Variants in CPLANE1 observed in about 807,000 individuals in gnomAD.
CPLANE1 encodes ciliogenesis and planar polarity effector 1.
In CPLANE1, 263 loss-of-function variants were observed where a neutral mutation model predicts 362.5. The observed-to-expected ratio is 0.73, with a 90% CI of 0.66 to 0.80. CPLANE1 has a LOEUF of 0.80. CPLANE1 is among the 30% of genes least tolerant of loss of function. CPLANE1 has a pLI of 0.00. For missense variants in CPLANE1, 3,461 were observed against 3,793.4 expected (o/e 0.91, Z 2.30); for synonymous variants, 1,212 against 1,302.6 (o/e 0.93, Z 1.50).
chr5:37,211,288 C>A, intron 16 of CPLANE1: 2 of 1,509,860 alleles, frequency 1.3e-6, no homozygotes, highest in South Asian at 1.2e-5. Flanking sequence ...CAGCAAGAGG[C>A]GGAACGCTTG....
intron 32 of CPLANE1, 94 bp from the exon 33 acceptor site, chr5:37,170,425 C>T: frequency 2.4e-6 from 3 of 1,229,770 alleles, no homozygotes; most frequent in Admixed American, 2.3e-5. Context: ...ACAATAGTCA[C>T]ACGTTTGTCT....
At chr5:37,141,619 T>C (rs1312933205) in intron 44 of CPLANE1, 5 of 966,084 alleles carry the variant, frequency 5.2e-6, no homozygotes, top group Non-Finnish European at 2.5e-6. Flanking sequence ...ATAATGGTAA[T>C]AGAACATATA....
In CPLANE1 at chr5:37,169,363, G is replaced by A; in HGVS notation, c.6661C>T (p.Pro2221Ser). ...TGAAGCAAAGGAAAGCCATCACCAG[G>A]ACTAAATGTTTTTGCATGTGGGATA... ...RLIPHAKTFSPGDGFPLLQFK... is the reference protein window; with the variant it reads ...RLIPHAKTFSSGDGFPLLQFK... Residue 2221 changes from proline (P) to serine (S), a missense_variant, in exon 34 of 53, where the codon CCT (proline) becomes TCT (serine). Pro to Ser is a moderately conservative substitution (Grantham distance 74). Coordinates refer to ENST00000651892, the MANE Select transcript of CPLANE1 (RefSeq NM_001384732.1). The A allele has an allele frequency of 6.2e-7, 1 of 1,614,164 alleles. No individual in the cohort carries two copies. The highest frequency in any genetic ancestry group is 1.1e-5 in the South Asian group (1 of 91,076).
Position 37,226,563 on chromosome 5 carries a change from C to T in CPLANE1, c.2032G>A (p.Gly678Ser). The change falls in exon 12 of 53, where the codon GGT becomes AGT. Residue 678 changes from glycine (G) to serine (S), a missense_variant. Gly to Ser is a moderately conservative substitution (Grantham distance 56). Around this residue, in one of 2 missense-constraint regions of CPLANE1, gnomAD observed 3,380 missense variants for 3,666.1 expected, o/e 0.92. Coordinates refer to ENST00000651892, the MANE Select transcript of CPLANE1 (RefSeq NM_001384732.1). ...VKLLLTQQQKGQLFSEKLLAC... is the reference protein window; with the variant it reads ...VKLLLTQQQKSQLFSEKLLAC... ...AAAAGTTTCTCTGAGAATAACTGAC[C>T]CTTTTGTTGCTGAGTCAGCAAAAGT... 1.9e-6 allele frequency: 3 copies of T among 1,549,214 alleles called. No homozygotes were observed. The highest frequency in any genetic ancestry group is 2.6e-6 in the Non-Finnish European group (3 of 1,146,364).
rs1458394098 is a variant in CPLANE1, at chr5:37,158,245, T to C, written c.7791A>G (p.Ile2597Met). Residue 2597 changes from isoleucine to methionine, a missense_variant, in exon 39 of 53, where the codon ATA becomes ATG. By Grantham distance (10) the Ile-to-Met change is conservative (BLOSUM62 1). Coordinates refer to ENST00000651892, the MANE Select transcript of CPLANE1 (RefSeq NM_001384732.1). ...EMSEKPWSPS[I>M]PHTVTNLVGH... The stretch of plus-strand genomic sequence containing the variant: ...AAACCAAGTTTGTTACTGTATGAGG[T>C]ATTGAGGGTGACCAAGGTTTCTCTG... 6.2e-7 allele frequency: 1 copy of C among 1,613,810 alleles called. No homozygotes were observed. The highest frequency in any genetic ancestry group is 8.5e-7 in the Non-Finnish European group (1 of 1,179,870).
Position 37,118,547 on chromosome 5 carries a change from G to A in CPLANE1, c.9310+1669C>T, listed in dbSNP as rs564195688. Among the ~76,000 whole-genome samples, 7 of 152,000 alleles carry A rather than the reference G, an allele frequency of 4.6e-5. No homozygotes were observed. In the East Asian group the frequency reaches 5.8e-4, roughly 13 times the overall value. On this transcript the variant is annotated intron_variant, in intron 50 of 52. Coordinates refer to ENST00000651892, the MANE Select transcript of CPLANE1 (RefSeq NM_001384732.1). ...GTGTGTAGGCTCTAGACCCACCCTC[G>A]GATTAAATCTTGGCTCTACCACTTC...
chr5:37,085,811 G>A, the CPLANE1 span: 1 of 1,428,842 alleles, frequency 7.0e-7, no homozygotes, highest in East Asian at 2.3e-5. Context: ...TATTGCTGAA[G>A]AGAGAGACAA....
In CPLANE1 at chr5:37,217,671, T is replaced by C. The variant is rs531757450; in HGVS notation, c.2746+3653A>G. ...AAGTGTAATTCTGTATAGGGTGCAG[T>C]GCTAATGTTAATAACAGAAACCCGG... On this transcript the variant is annotated intron_variant, in intron 15 of 52. Coordinates refer to ENST00000651892, the MANE Select transcript of CPLANE1 (RefSeq NM_001384732.1). Among the ~76,000 whole-genome samples, 12 of 149,504 alleles carry C rather than the reference T, an allele frequency of 8.0e-5. No individual in the cohort carries two copies. In the South Asian group the frequency reaches 1.7e-3, roughly 21 times the overall value.
At position 37,170,022 on chromosome 5, in the gene CPLANE1, G is replaced by A. The variant is rs767021952; in HGVS notation, c.6462+19C>T. Reference sequence around the variant, plus strand: ...GAGCCACCGCGCCCAGCCATTAATGGTATTTTTACATACATTACCTGTACG... The same window carrying A: ...GAGCCACCGCGCCCAGCCATTAATGATATTTTTACATACATTACCTGTACG... On this transcript the variant is annotated intron_variant, in intron 33 of 52. Transcript: ENST00000651892. 1.2e-6 allele frequency: 2 copies of A among 1,606,636 alleles called. No homozygotes were observed. The highest frequency in any genetic ancestry group is 1.7e-6 in the Non-Finnish European group (2 of 1,174,922).
chr5:37,108,102 T>G (rs574463683), intron 52 of CPLANE1, among the ~76,000 whole-genome samples, 191 bp downstream of exon 52: 1 of 152,210 alleles, frequency 6.6e-6, no homozygotes, highest in Non-Finnish European at 1.5e-5. Flanking sequence ...CAGAGAAGTC[T>G]GAAAGACAAA....
At chr5:37,181,952 C>T (rs1782766858) in intron 26 of CPLANE1, among the ~76,000 whole-genome samples, 1 of 151,930 alleles carries the variant, frequency 6.6e-6, no homozygotes, top group African/African-American at 2.4e-5. Flanking sequence ...ATTAGTCAGG[C>T]GTGGTGGCGC....
chr5:37,205,609 G>A (rs1790488805), intron 17 of CPLANE1, among the ~76,000 whole-genome samples, 155 bp from the exon 18 acceptor site: 1 of 152,158 alleles, frequency 6.6e-6, no homozygotes. Flanking sequence ...AGGAAATATT[G>A]TATTAAGACC....
intron 46 of CPLANE1, among the ~76,000 whole-genome samples, chr5:37,127,216 G>A (rs939446491): frequency 1.3e-5 from 2 of 152,168 alleles, no homozygotes; most frequent in African/African-American, 4.8e-5. Flanking sequence ...CCATGAAAAC[G>A]ACTATTTGCT....
At position 37,231,007 on chromosome 5, in the gene CPLANE1, A is replaced by T; in HGVS notation, c.981T>A (p.Leu327=). 1 of 1,550,060 alleles carries T rather than the reference A, an allele frequency of 6.5e-7. No homozygotes were observed. Among genetic ancestry groups the T allele is most frequent in the South Asian group, 1.2e-5 (1 of 83,624 alleles). ...VGDISWTHDS[L]FLACMLKRGS... is the part of the protein sequence containing the mutation. Reference sequence around the variant, plus strand: ...CACGTTTTAACATACAAGCCAGAAAAAGACTATCATGCGTCCAGCTGATAT... The same window carrying T: ...CACGTTTTAACATACAAGCCAGAAATAGACTATCATGCGTCCAGCTGATAT... The change falls in exon 9 of 53, where the codon CTT becomes CTA. Residue 327 remains leucine, a synonymous_variant. Transcript: ENST00000651892.
chr5:37,127,667 C>T (rs573710600), intron 46 of CPLANE1, among the ~76,000 whole-genome samples: 1 of 151,602 alleles, frequency 6.6e-6, no homozygotes, highest in Admixed American at 6.6e-5. Flanking sequence ...TACAGGCTTG[C>T]ACCACCACGC....
chr5:37,212,514 G>T lies in CPLANE1; in HGVS notation c.2920+1045C>A, dbSNP rs1450227460. On this transcript the variant is annotated intron_variant, in intron 16 of 52. Transcript: ENST00000651892. ...GTAATCCAAAAAAAAAAAAAAGAAA[G>T]AAACTACAAATGTTTTCGTATTATC... The T allele has an allele frequency of 1.4e-5, 8 of 567,036 alleles. 1 individual carries two copies. The East Asian group carries it at 2.4e-4, about 17-fold the overall frequency. 35.1% of individuals were successfully genotyped at this position (567,036 alleles called of 1,614,324 possible). A position where few individuals can be genotyped will look rare whatever the true frequency, so the allele number is the denominator to read the frequency against.
chr5:37,167,112 G>T lies in CPLANE1; in HGVS notation c.7335C>A (p.His2445Gln). 1 of 1,613,188 alleles carries T rather than the reference G, an allele frequency of 6.2e-7. No homozygotes were observed. Among genetic ancestry groups the T allele is most frequent in the East Asian group, 2.2e-5 (1 of 44,782 alleles). ...CTATTTTGACCTTTAGAAGTTGAAG[G>T]TGTCCAGCATCACCTTGTTCAAATA... Reference protein sequence around the residue: ...HNLFEQGDAGHLQLLKVKIEP... With the variant: ...HNLFEQGDAGQLQLLKVKIEP... Residue 2445 changes from histidine (H) to glutamine (Q), a missense_variant, in exon 35 of 53, where the codon CAC (histidine) becomes CAA (glutamine). His to Gln is a conservative substitution (Grantham distance 24). Around this residue, in one of 2 missense-constraint regions of CPLANE1, gnomAD observed 3,380 missense variants for 3,666.1 expected, o/e 0.92. Transcript: ENST00000651892.
At chr5:37,113,680 A>G (rs1368287933) in intron 51 of CPLANE1, among the ~76,000 whole-genome samples, 1 of 152,246 alleles carries the variant, frequency 6.6e-6, no homozygotes, top group Non-Finnish European at 1.5e-5. Flanking sequence ...AGGTAAAAAG[A>G]GATGGGGTAA....
intron 42 of CPLANE1, among the ~76,000 whole-genome samples, chr5:37,152,435 CTATTATGTGTAACA>C (rs1773836069): frequency 6.6e-6 from 1 of 151,930 alleles, no homozygotes. Flanking sequence ...CTCATTTAAC[CTATTATGTGTAACA>C]TAATATTTGT....
Sources: gnomAD v4.1 joint callset for allele counts (sites outside exome capture counted in the v4.1 genomes callset) on GRCh38, gnomAD v4.1.1 for gene constraint, gnomAD v4.1.1 regional missense constraint, MANE v1.5 for transcripts, NCBI Gene and HGNC (gene_info 2026-07-23, HGNC 2026-07-21) for gene names.